Variants in ACAD10 observed in about 807,000 individuals in gnomAD.
ACAD10 encodes the protein acyl-CoA dehydrogenase family member 10, also known as ACAD-10.
In ACAD10, 112 loss-of-function variants were observed where a neutral mutation model predicts 116.8. The observed-to-expected ratio is 0.96, with a 90% CI of 0.82 to 1.12. The LOEUF is 1.12. Among genes scored for constraint, ACAD10 ranks in the 50% most tolerant of loss-of-function variants. ACAD10 has a pLI of 0.00. For missense variants in ACAD10, 1,259 were observed against 1,350.2 expected, an observed-to-expected ratio of 0.93 and a Z score of 1.06; for synonymous variants, 486 against 510.6, an observed-to-expected ratio of 0.95 and a Z score of 0.65.
Position 111,755,673 on chromosome 12 carries a change from A to C in ACAD10, c.2967A>C (p.Ala989=), listed in dbSNP as rs2068074036. ...GCATCTCCTCCTCCTTACAGGCTGC[A>C]GCCTTGGATATAGCCATGATTAAAA... ...HLMDLAGNKA[A]ALDIAMIKMV... is the part of the protein sequence containing the mutation. The change falls in exon 20 of 21, where the codon GCA becomes GCC. Residue 989 remains alanine, a synonymous_variant. Coordinates refer to ENST00000313698, the MANE Select transcript of ACAD10 (RefSeq NM_025247.6). 2 of 1,613,612 alleles carry C rather than the reference A, an allele frequency of 1.2e-6. No individual in the cohort carries two copies. Among genetic ancestry groups the C allele is most frequent in the African/African-American group, 2.7e-5 (2 of 74,838 alleles).
chr12:111,745,464 T>G, intron 13 of ACAD10: 1 of 252,164 alleles, frequency 4.0e-6, no homozygotes, highest in Non-Finnish European at 7.5e-6. Context: ...TGCTGTCACT[T>G]CAGCTGATAA....
intron 6 of ACAD10, among the ~76,000 whole-genome samples, chr12:111,713,030 C>T (rs1888734492): frequency 6.6e-6 from 1 of 152,028 alleles, no homozygotes; most frequent in South Asian, 2.1e-4. Flanking sequence ...GTTACATCGG[C>T]AGGCGGGTGC....
At chr12:111,710,062 G>T in intron 5 of ACAD10, 1 of 327,290 alleles carries the variant, frequency 3.1e-6, no homozygotes, top group South Asian at 2.4e-5. Flanking sequence ...AGCCATGTGA[G>T]GGGGTCTCAT....
intron 12 of ACAD10, 85 bp from the exon 13 acceptor site, chr12:111,744,558 G>A (rs1472872933): frequency 1.3e-6 from 2 of 1,505,310 alleles, no homozygotes; most frequent in Admixed American, 3.8e-5. Flanking sequence ...GGCAATAGCT[G>A]CTGAAGTGAC....
At position 111,692,841 on chromosome 12, in the gene ACAD10, G is replaced by T. The variant is rs141154493; in HGVS notation, c.132G>T (p.Ala44=). ...ACCTTGGAGGCAGCACCTACAGAGC[G>T]GTGATTTTCGACATGGGCGGAGTTC... ...WTHLGGSTYR[A]VIFDMGGVLI... is the part of the protein sequence containing the mutation. The change falls in exon 2 of 21, where the codon GCG becomes GCT. Residue 44 remains alanine, a synonymous_variant. Transcript: ENST00000313698. 1 of 1,614,056 alleles carries T rather than the reference G, an allele frequency of 6.2e-7. No homozygotes were observed. The highest frequency in any genetic ancestry group is 8.5e-7 in the Non-Finnish European group (1 of 1,180,036).
At chr12:111,745,928 A>G (rs112137096) in intron 13 of ACAD10, among the ~76,000 whole-genome samples, 6,157 of 137,272 alleles carry the variant, frequency 0.045, 438 homozygotes, top group African/African-American at 0.16. Flanking sequence ...TGCAGTCTCA[A>G]CCTCCTGGGC....
chr12:111,741,816 A>G (rs936263116), intron 12 of ACAD10, among the ~76,000 whole-genome samples: 1 of 152,192 alleles, frequency 6.6e-6, no homozygotes, highest in Non-Finnish European at 1.5e-5. Flanking sequence ...AACAGCTGAG[A>G]TATTTGGTAC....
At chr12:111,686,547 T>A (rs1309027183) in intron 1 of ACAD10, among the ~76,000 whole-genome samples, 1 of 152,172 alleles carries the variant, frequency 6.6e-6, no homozygotes, top group African/African-American at 2.4e-5. Context: ...AAACCTCGTC[T>A]CTACTGAACA....
chr12:111,739,009 G>T (rs1889655417), intron 12 of ACAD10, among the ~76,000 whole-genome samples: 1 of 103,330 alleles, frequency 9.7e-6, no homozygotes, highest in Non-Finnish European at 1.9e-5. Flanking sequence ...GGGGGGGTGG[G>T]GAATCAAGCA....
intron 14 of ACAD10, 24 bp downstream of exon 14, chr12:111,746,308 A>C: frequency 6.2e-7 from 1 of 1,603,698 alleles, no homozygotes; most frequent in Non-Finnish European, 8.5e-7. Flanking sequence ...AGTTTTCCTC[A>C]GTGTGTGGGA....
intron 2 of ACAD10, among the ~76,000 whole-genome samples, chr12:111,699,916 T>C (rs1888301522): frequency 6.6e-6 from 1 of 152,074 alleles, no homozygotes; most frequent in African/African-American, 2.4e-5. Context: ...AGACCCCATC[T>C]TAAAAAACAA....
intron 3 of ACAD10, 58 bp downstream of exon 3, chr12:111,702,368 G>A: frequency 6.3e-7 from 1 of 1,579,916 alleles, no homozygotes; most frequent in Non-Finnish European, 8.6e-7. Flanking sequence ...AGTAGTGGTT[G>A]CAACATTCAT....
chr12:111,729,486 C>T (rs1327593503), intron 9 of ACAD10, among the ~76,000 whole-genome samples: 1 of 152,158 alleles, frequency 6.6e-6, no homozygotes, highest in Non-Finnish European at 1.5e-5. Context: ...CCTGCGTTGG[C>T]CTCCCAAAGT....
At chr12:111,725,535 T>A (rs1384140076) in intron 8 of ACAD10, among the ~76,000 whole-genome samples, 1 of 151,356 alleles carries the variant, frequency 6.6e-6, no homozygotes, top group Non-Finnish European at 1.5e-5. Context: ...TTTCTTTTCT[T>A]CTTCTTCTTT....
intron 8 of ACAD10, among the ~76,000 whole-genome samples, chr12:111,723,605 C>G (rs1302039826): frequency 1.1e-4 from 15 of 142,204 alleles, no homozygotes; most frequent in Admixed American, 2.0e-4. Context: ...CTGACCCCCC[C>G]ACCTCCCTCC....
chr12:111,740,793 A>AG (rs1889715908), intron 12 of ACAD10, among the ~76,000 whole-genome samples: 1 of 151,546 alleles, frequency 6.6e-6, no homozygotes, highest in African/African-American at 2.4e-5. Context: ...AAAAAAAAAA[A>AG]AAAAAAAAAG....
chr12:111,691,626 G>A (rs1386579618), intron 1 of ACAD10, among the ~76,000 whole-genome samples: 2 of 141,852 alleles, frequency 1.4e-5, no homozygotes, highest in Admixed American at 7.3e-5. Context: ...GATGGACTCT[G>A]GCTTTCTCAC....
chr12:111,745,288 T>C, intron 13 of ACAD10: 4 of 526,146 alleles, frequency 7.6e-6, no homozygotes, highest in Middle Eastern at 4.9e-4. Context: ...AGTGGAATGC[T>C]TGGCCTTAGA....
intron 17 of ACAD10, chr12:111,748,770 C>T (rs1566168727): frequency 3.7e-6 from 2 of 545,210 alleles, no homozygotes; most frequent in Non-Finnish European, 6.4e-6. Context: ...CAAACCTACT[C>T]TTCCAGGCCC....
Sources: allele counts gnomAD v4.1 joint callset (sites outside exome capture counted in the v4.1 genomes callset), GRCh38; gene constraint gnomAD v4.1.1; transcripts MANE v1.5; gene names NCBI Gene and HGNC (gene_info 2026-07-23, HGNC 2026-07-21).